The following AREL1 variants were observed in gnomAD, a reference collection of about 807,000 sequenced individuals.
AREL1 encodes the protein apoptosis-resistant E3 ubiquitin protein ligase 1.
AREL1 carries 62 observed loss-of-function variants against 99.0 expected under a neutral mutation model. That is an observed-to-expected ratio of 0.63 (90% CI 0.51 to 0.77). AREL1 has a LOEUF of 0.77. AREL1 is among the 30% of genes least tolerant of loss of function. AREL1 has a pLI of 0.00. For synonymous variants in AREL1, 380 were observed against 376.5 expected, an observed-to-expected ratio of 1.01 and a Z score of -0.11; for missense variants, 879 against 1,027.6, an observed-to-expected ratio of 0.86 and a Z score of 1.98.
intron 1 of AREL1, among the ~76,000 whole-genome samples, chr14:74,703,392 T>C (rs2090119954): frequency 6.6e-6 from 1 of 152,112 alleles, no homozygotes; most frequent in African/African-American, 2.4e-5. Context: ...GATTCAATTA[T>C]CTCCCACTGG....
rs1412309301 is a variant in AREL1, at chr14:74,670,085, T to C, written c.1650A>G (p.Lys550=). Residue 550 remains lysine, a synonymous_variant, in exon 14 of 20, where the codon AAA becomes AAG. Coordinates refer to ENST00000356357, the MANE Select transcript of AREL1 (RefSeq NM_001039479.2). ...CGAGCCGTCCCGCAAACTCATACAT[T>C]TTCAGGCGCAGATGAGCGGGGCGAT... ...NPNRPAHLRL[K]MYEFAGRLVG... 2.5e-6 allele frequency: 4 copies of C among 1,613,468 alleles called. No homozygotes were observed. The highest frequency in any genetic ancestry group is 3.4e-6 in the Non-Finnish European group (4 of 1,179,562).
At chr14:74,687,754 A>G (rs8007734) in intron 2 of AREL1, among the ~76,000 whole-genome samples, 9,647 of 152,152 alleles carry the variant, frequency 0.063, 880 homozygotes, top group African/African-American at 0.2. Flanking sequence ...TCAAAGTTTT[A>G]ATGATTATTA....
In AREL1 at chr14:74,669,977, G is replaced by T; in HGVS notation, c.1758C>A (p.Ala586=). 8.7e-6 allele frequency: 14 copies of T among 1,613,354 alleles called. No homozygotes were observed. The highest frequency in any genetic ancestry group is 1.2e-5 in the Non-Finnish European group (14 of 1,179,542). The part of the protein sequence containing the change: ...VRARFTRSFL[A]QIIGLRMHYK... ...AATGCATACGCAGTCCTATGATTTGGGCCAGGAAAGAGCGGGTGAAGCGAG... is the reference window on the plus strand; with the variant it reads ...AATGCATACGCAGTCCTATGATTTGTGCCAGGAAAGAGCGGGTGAAGCGAG... Residue 586 remains alanine (A), a synonymous_variant, in exon 14 of 20, where the codon GCC becomes GCA. Coordinates refer to ENST00000356357, the MANE Select transcript of AREL1 (RefSeq NM_001039479.2).
intron 1 of AREL1, among the ~76,000 whole-genome samples, chr14:74,709,700 C>T (rs1036287108): frequency 1.3e-5 from 2 of 151,996 alleles, no homozygotes; most frequent in African/African-American, 4.8e-5. Context: ...TAATTAACAG[C>T]GACTAATGTT....
At position 74,688,336 on chromosome 14, in the gene AREL1, C is replaced by T. The variant is rs559868569; in HGVS notation, c.-45-2676G>A. Among the ~76,000 whole-genome samples the T allele has an allele frequency of 2.6e-4, 39 of 152,078 alleles. No individual in the cohort carries two copies. In the South Asian group the frequency reaches 7.9e-3, roughly 31 times the overall value. On this transcript the variant is annotated intron_variant, in intron 2 of 19. Transcript: ENST00000356357. ...CACCACGCCCGGCCCTGAGTACTTA[C>T]TCAATGTGCCAGGTACAGGGAGGAC...
At chr14:74,682,054 A>C (rs1004788283) in intron 5 of AREL1, among the ~76,000 whole-genome samples, 2 of 152,250 alleles carry the variant, frequency 1.3e-5, no homozygotes, top group African/African-American at 2.4e-5. Context: ...AGGCTGGTAC[A>C]TGTAAGGGTA....
chr14:74,706,024 C>T (rs1442635261), intron 1 of AREL1, among the ~76,000 whole-genome samples: 1 of 152,220 alleles, frequency 6.6e-6, no homozygotes, highest in East Asian at 1.9e-4. Context: ...ATCCATGTCA[C>T]TGTCCCATTC....
intron 1 of AREL1, among the ~76,000 whole-genome samples, chr14:74,695,615 T>C (rs563451550): frequency 2.0e-5 from 3 of 152,268 alleles, no homozygotes; most frequent in South Asian, 4.1e-4. Flanking sequence ...CCACACCAGA[T>C]AGAATCAGCC....
intron 17 of AREL1, 54 bp downstream of exon 17, chr14:74,667,265 G>A (rs949748664): frequency 8.7e-6 from 14 of 1,607,586 alleles, no homozygotes; most frequent in Admixed American, 1.7e-5. Context: ...GCTGGTTCCT[G>A]TAAGCTACAA....
intron 1 of AREL1, among the ~76,000 whole-genome samples, chr14:74,699,957 C>G (rs1433609227): frequency 2.0e-5 from 3 of 152,224 alleles, no homozygotes; most frequent in African/African-American, 7.2e-5. Context: ...GCTGTATGCA[C>G]AGACCAGGCT....
chr14:74,692,182 A>T lies in AREL1; in HGVS notation c.-187T>A. On this transcript the variant is annotated 5_prime_UTR_variant, in exon 2 of 20. It removes an upstream start codon present in the reference 5' UTR. Transcript: ENST00000356357. ...CAAGGTCAACAGAAAGGGTCTATCC[A>T]TCAGACTTTGTCACAGTAATCAGGT... The T allele has an allele frequency of 2.2e-6, 1 of 453,998 alleles. No individual in the cohort carries two copies. Among genetic ancestry groups the T allele is most frequent in the Non-Finnish European group, 4.4e-6 (1 of 226,370 alleles). 28.1% of individuals were successfully genotyped at this position (453,998 alleles called of 1,614,324 possible).
At chr14:74,700,276 T>C (rs1176532447) in intron 1 of AREL1, among the ~76,000 whole-genome samples, 1 of 152,228 alleles carries the variant, frequency 6.6e-6, no homozygotes, top group African/African-American at 2.4e-5. Flanking sequence ...ATCCATATTT[T>C]ATAGATTAGG....
chr14:74,671,949 G>A (rs887929181), intron 11 of AREL1: 15 of 450,872 alleles, frequency 3.3e-5, no homozygotes, highest in African/African-American at 2.6e-4. Flanking sequence ...CTGAGAAAAC[G>A]GGTTTCCAGT....
chr14:74,669,488 CT>C (rs1352634883), intron 15 of AREL1, among the ~76,000 whole-genome samples, 160 bp downstream of exon 15: 1 of 152,168 alleles, frequency 6.6e-6, no homozygotes, highest in East Asian at 1.9e-4. Context: ...TATACATTAA[CT>C]AAAATGAGAA....
Position 74,662,792 on chromosome 14 carries a change from T to A in AREL1, c.*928A>T. ...TGGCATACTATTCTTACTGTTCTAA[T>A]CTTTTGCTACAAAATTTTCTTCAGT... is the stretch of plus-strand genomic sequence containing the variant. On this transcript the variant is annotated 3_prime_UTR_variant, in exon 20 of 20. Transcript: ENST00000356357. 2.5e-6 allele frequency: 1 copy of A among 393,312 alleles called. No homozygotes were observed. Among genetic ancestry groups the A allele is most frequent in the African/African-American group, 2.1e-5 (1 of 48,660 alleles). 24.4% of individuals were successfully genotyped at this position (393,312 alleles called of 1,614,324 possible).
intron 2 of AREL1, among the ~76,000 whole-genome samples, chr14:74,688,018 A>ATTT (rs1566693651): frequency 4.4e-5 from 6 of 137,370 alleles, no homozygotes; most frequent in Non-Finnish European, 1.6e-5. Context: ...CTGAGTACTT[A>ATTT]CTTTTTTTTT....
chr14:74,665,348 A>G (rs1372746368), intron 17 of AREL1, among the ~76,000 whole-genome samples: 3 of 151,388 alleles, frequency 2.0e-5, no homozygotes, highest in Non-Finnish European at 4.4e-5. Flanking sequence ...TGCATGCTCA[A>G]GTGATTCTCC....
At chr14:74,669,127 T>G (rs1464629881) in intron 15 of AREL1, among the ~76,000 whole-genome samples, 1 of 152,212 alleles carries the variant, frequency 6.6e-6, no homozygotes, top group Non-Finnish European at 1.5e-5. Flanking sequence ...ACTCCTGGTC[T>G]CAAGCCATCC....
intron 1 of AREL1, among the ~76,000 whole-genome samples, chr14:74,695,004 A>G (rs2139955835): frequency 6.6e-6 from 1 of 151,070 alleles, no homozygotes; most frequent in Non-Finnish European, 1.5e-5. Flanking sequence ...AAAAAAAAAA[A>G]AAAAAGAAAG....
Sources: gnomAD v4.1 joint callset for allele counts (sites outside exome capture counted in the v4.1 genomes callset) on GRCh38, gnomAD v4.1.1 for gene constraint, MANE v1.5 for transcripts, NCBI Gene and HGNC (gene_info 2026-07-23, HGNC 2026-07-21) for gene names.